Variants in CCDC146 observed in about 807,000 individuals in gnomAD.
The protein encoded by CCDC146 is coiled-coil domain-containing protein 146.
A neutral mutation model predicts 119.3 loss-of-function variants in CCDC146; 92 were observed. The observed-to-expected ratio is 0.77, with a 90% CI of 0.65 to 0.92. CCDC146 has a LOEUF of 0.92. CCDC146 is among the 40% of genes least tolerant of loss of function. The pLI, the probability that CCDC146 is intolerant of heterozygous loss-of-function variation, is 0.00. For missense variants in CCDC146, 1,000 were observed against 1,103.0 expected (o/e 0.91, Z 1.32); for synonymous variants, 372 against 371.8 (o/e 1.00, Z -0.01).
In CCDC146 at chr7:77,133,393, C is replaced by A. The variant is rs1350607591; in HGVS notation, c.-12+10661C>A. 3.9e-5 allele frequency among the ~76,000 whole-genome samples: 6 copies of A among 152,126 alleles called. No homozygotes were observed. The East Asian group carries it at 1.2e-3, about 29-fold the overall frequency. ...TGAGACGGAGTCTCACTTTGTTGCC[C>A]AGGCTGGGGTGCAGTGGTGTGATCT... On this transcript the variant is annotated intron_variant, in intron 1 of 18. Coordinates refer to ENST00000285871, the MANE Select transcript of CCDC146 (RefSeq NM_020879.3).
intron 2 of CCDC146, among the ~76,000 whole-genome samples, chr7:77,187,379 G>A (rs1427826582): frequency 6.6e-6 from 1 of 152,204 alleles, no homozygotes; most frequent in Non-Finnish European, 1.5e-5. Context: ...TAGCACAAGT[G>A]ACTCCATTTT....
chr7:77,162,987 G>A (rs1338770521), intron 1 of CCDC146, among the ~76,000 whole-genome samples: 1 of 152,184 alleles, frequency 6.6e-6, no homozygotes, highest in African/African-American at 2.4e-5. Context: ...TATTTAGAAT[G>A]TTTTCAGAAT....
At position 77,260,026 on chromosome 7, in the gene CCDC146, A is replaced by T. The variant is rs1360828460; in HGVS notation, c.776A>T (p.Lys259Ile). 3.1e-6 allele frequency: 5 copies of T among 1,609,706 alleles called. No homozygotes were observed. Among genetic ancestry groups the T allele is most frequent in the Non-Finnish European group, 4.2e-6 (5 of 1,178,010 alleles). The change falls in exon 8 of 19, where the codon AAA becomes ATA. Residue 259 changes from lysine (K) to isoleucine (I), a missense_variant. This residue lies in a region of CCDC146 where 985 missense variants were observed against 1,045.3 expected (regional missense o/e 0.94). Coordinates refer to ENST00000285871, the MANE Select transcript of CCDC146 (RefSeq NM_020879.3). ...CCCTACAGAGAAATGGAAAAGAAAAAAATTGTCTTGGAACAAGAAGTCAAA... is the reference window on the plus strand; with the variant it reads ...CCCTACAGAGAAATGGAAAAGAAAATAATTGTCTTGGAACAAGAAGTCAAA... Reference protein sequence around the residue: ...TRKKVEMEKKKIVLEQEVKTL... With the variant: ...TRKKVEMEKKIIVLEQEVKTL...
Position 77,196,344 on chromosome 7 carries a change from C to G in CCDC146, c.156+28520C>G. 6.2e-7 allele frequency: 1 copy of G among 1,614,094 alleles called. No individual in the cohort carries two copies. The highest frequency in any genetic ancestry group is 8.5e-7 in the Non-Finnish European group (1 of 1,180,004). On this transcript the variant is annotated intron_variant, in intron 2 of 18. Transcript: ENST00000285871. This position sits in a 1 kb window ranked among gnomAD's most constrained non-coding sequence, Gnocchi z 4.2. Reference sequence around the variant, plus strand: ...TCTTTGAAGGAGGACTTGTAGCCACCAGGGTGTGCCTCACTTACACCAGGC... The same window carrying G: ...TCTTTGAAGGAGGACTTGTAGCCACGAGGGTGTGCCTCACTTACACCAGGC...
chr7:77,156,565 A>C (rs903137131), intron 1 of CCDC146, among the ~76,000 whole-genome samples: 1 of 152,112 alleles, frequency 6.6e-6, no homozygotes, highest in African/African-American at 2.4e-5. Context: ...ATGTACCCAC[A>C]AAAATAAAAA....
At chr7:77,131,380 G>C (rs1454408051) in intron 1 of CCDC146, among the ~76,000 whole-genome samples, 2 of 152,174 alleles carry the variant, frequency 1.3e-5, no homozygotes, top group African/African-American at 4.8e-5. Flanking sequence ...ATGCTGCTCA[G>C]TAATAAAAAG....
intron 2 of CCDC146, among the ~76,000 whole-genome samples, chr7:77,206,769 T>C (rs1281387501): frequency 6.6e-6 from 1 of 151,354 alleles, no homozygotes; most frequent in Non-Finnish European, 1.5e-5. Context: ...TCATGCCATA[T>C]AGAACATTGT....
intron 2 of CCDC146, among the ~76,000 whole-genome samples, chr7:77,235,086 C>T (rs1049860997): frequency 6.6e-6 from 1 of 152,146 alleles, no homozygotes; most frequent in Non-Finnish European, 1.5e-5. Context: ...CAAATATAAG[C>T]AATTTACCTA....
chr7:77,281,725 A>G (rs987791933), intron 14 of CCDC146, among the ~76,000 whole-genome samples: 15 of 152,278 alleles, frequency 9.9e-5, no homozygotes, highest in African/African-American at 3.6e-4. Context: ...GAGGAAGGGG[A>G]GTCATAGATA....
chr7:77,140,995 T>G (rs1790924320), intron 1 of CCDC146, among the ~76,000 whole-genome samples: 1 of 152,114 alleles, frequency 6.6e-6, no homozygotes, highest in African/African-American at 2.4e-5. Context: ...AACTATACAC[T>G]TGCCATGGTG....
chr7:77,277,144 C>T (rs1369566453), intron 11 of CCDC146, among the ~76,000 whole-genome samples: 1 of 152,028 alleles, frequency 6.6e-6, no homozygotes, highest in Non-Finnish European at 1.5e-5. Flanking sequence ...AGAAGAAAGC[C>T]ATCTTCACCA....
At chr7:77,229,974 G>A (rs1415751138) in intron 2 of CCDC146, among the ~76,000 whole-genome samples, 1 of 152,128 alleles carries the variant, frequency 6.6e-6, no homozygotes, top group African/African-American at 2.4e-5. Flanking sequence ...TTATGTGTAG[G>A]AAACCACTAA....
chr7:77,160,813 G>A (rs997883008), intron 1 of CCDC146, among the ~76,000 whole-genome samples: 1 of 152,068 alleles, frequency 6.6e-6, no homozygotes, highest in African/African-American at 2.4e-5. Flanking sequence ...AAGAGCTTCT[G>A]CACAGCAAAA....
At chr7:77,282,491 C>T (rs1793781821) in intron 14 of CCDC146, 66 bp from the exon 15 acceptor site, 20 of 1,082,436 alleles carry the variant, frequency 1.8e-5, no homozygotes, top group Admixed American at 2.4e-5. Flanking sequence ...CCAGAGGGAA[C>T]CACAATGACT....
At chr7:77,188,533 G>A (rs547922166) in intron 2 of CCDC146, among the ~76,000 whole-genome samples, 1 of 152,252 alleles carries the variant, frequency 6.6e-6, no homozygotes, top group Non-Finnish European at 1.5e-5. Flanking sequence ...TTTGCTATAT[G>A]CATATGTGTA....
chr7:77,240,550 TAATAC>T (rs1299120007), intron 3 of CCDC146, among the ~76,000 whole-genome samples: 1 of 152,260 alleles, frequency 6.6e-6, no homozygotes, highest in Non-Finnish European at 1.5e-5. Context: ...TTGTGATACC[TAATAC>T]AATATAAATG....
At chr7:77,266,297 TA>T (rs1221488878) in intron 9 of CCDC146, among the ~76,000 whole-genome samples, 1 of 152,216 alleles carries the variant, frequency 6.6e-6, no homozygotes, top group Non-Finnish European at 1.5e-5. Context: ...TGCTCTGATT[TA>T]AAAGTGGTTC....
chr7:77,213,260 T>A (rs1255273088), intron 2 of CCDC146, among the ~76,000 whole-genome samples: 6 of 151,986 alleles, frequency 3.9e-5, no homozygotes, highest in African/African-American at 1.2e-4. Flanking sequence ...TGACTAATTT[T>A]TTTTTAACTT....
intron 2 of CCDC146, among the ~76,000 whole-genome samples, chr7:77,216,791 C>G (rs773166716): frequency 6.6e-6 from 1 of 152,060 alleles, no homozygotes; most frequent in East Asian, 1.9e-4. Context: ...TTATAATTTG[C>G]TTTTTTGTCA....
Sources: allele counts gnomAD v4.1 joint callset (sites outside exome capture counted in the v4.1 genomes callset), GRCh38; gene constraint gnomAD v4.1.1; regional missense constraint gnomAD v4.1.1; non-coding constraint Gnocchi (gnomAD v3.1); transcripts MANE v1.5; gene names NCBI Gene and HGNC (gene_info 2026-07-23, HGNC 2026-07-21).